The following IQCH variants were observed in gnomAD, a reference collection of about 807,000 sequenced individuals.
IQCH encodes the protein IQ motif containing H.
IQCH carries 98 observed loss-of-function variants against 117.0 expected under a neutral mutation model. That is an observed-to-expected ratio of 0.84 (90% CI 0.71 to 0.99). IQCH has a LOEUF of 0.99. Ranked by LOEUF, IQCH falls within the 50% of genes least tolerant of loss-of-function variation. The pLI is 0.00. For missense variants in IQCH, 1,102 were observed against 1,243.8 expected (o/e 0.89, Z 1.72); for synonymous variants, 412 against 448.2 (o/e 0.92, Z 1.02).
At chr15:67,419,733 A>G (rs1035687320) in intron 15 of IQCH, among the ~76,000 whole-genome samples, 1 of 152,082 alleles carries the variant, frequency 6.6e-6, no homozygotes, top group Non-Finnish European at 1.5e-5. Flanking sequence ...TATTGTTTAC[A>G]ATTCACAATT....
At chr15:67,379,214 C>T (rs1206282494) in intron 10 of IQCH, among the ~76,000 whole-genome samples, 1 of 152,156 alleles carries the variant, frequency 6.6e-6, no homozygotes, top group African/African-American at 2.4e-5. Context: ...TGAAGAAAAT[C>T]TAGCCCTACA....
In IQCH at chr15:67,370,149, A is replaced by T. The variant is rs1273053415; in HGVS notation, c.754-1962A>T. 6.6e-6 allele frequency among the ~76,000 whole-genome samples: 1 copy of T among 152,212 alleles called. No homozygotes were observed. Among genetic ancestry groups the T allele is most frequent in the Non-Finnish European group, 1.5e-5 (1 of 68,040 alleles). On this transcript the variant is annotated intron_variant, in intron 8 of 20. Coordinates refer to ENST00000335894, the MANE Select transcript of IQCH (RefSeq NM_001031715.3). This position sits in a 1 kb window ranked among gnomAD's most constrained non-coding sequence, Gnocchi z 5.6. ...ACCCCATGGAAAGGCACTGTCTGAG[A>T]GAGACGTGAGTTCTCTCCTTTCTCA...
chr15:67,338,233 A>G (rs913058334), intron 5 of IQCH, among the ~76,000 whole-genome samples: 3 of 143,586 alleles, frequency 2.1e-5, no homozygotes, highest in Non-Finnish European at 4.6e-5. Context: ...CTATCTATCT[A>G]TCTATCTATC....
intron 10 of IQCH, chr15:67,373,809 A>C (rs1970646318): frequency 6.2e-6 from 2 of 321,460 alleles, no homozygotes; most frequent in South Asian, 6.3e-5. Context: ...ATAAGCCAGG[A>C]TATTGCTTGT....
chr15:67,419,048 C>T (rs1190418263), intron 15 of IQCH, among the ~76,000 whole-genome samples: 2 of 152,172 alleles, frequency 1.3e-5, no homozygotes, highest in East Asian at 1.9e-4. Flanking sequence ...TTCCCAGCGA[C>T]TGTCTCATCT....
At chr15:67,428,524 AG>A (rs2081943968) in intron 16 of IQCH, among the ~76,000 whole-genome samples, 1 of 152,158 alleles carries the variant, frequency 6.6e-6, no homozygotes, top group Non-Finnish European at 1.5e-5. Flanking sequence ...TGCATTATCC[AG>A]GTGGCCCCAA....
chr15:67,399,191 C>T (rs746316788), intron 13 of IQCH, among the ~76,000 whole-genome samples: 4 of 152,192 alleles, frequency 2.6e-5, no homozygotes, highest in African/African-American at 4.8e-5. Context: ...GGAATTCCTA[C>T]TCTGCTACTC....
In IQCH at chr15:67,357,377, T is replaced by C; in HGVS notation, c.670T>C (p.Ser224Pro). 6.2e-7 allele frequency: 1 copy of C among 1,611,256 alleles called. No individual in the cohort carries two copies. Among genetic ancestry groups the C allele is most frequent in the Non-Finnish European group, 8.5e-7 (1 of 1,177,360 alleles). Residue 224 changes from serine to proline, a missense_variant, in exon 7 of 21, where the codon TCT becomes CCT. Transcript: ENST00000335894. ...TFTIPREPPP[S>P]PAEVKFFPKK... ...CACTATACCTCGGGAACCACCTCCA[T>C]CTCCAGCAGAAGTGAAGTTCTTTCC...
rs775030011 is a variant in IQCH, at chr15:67,254,950, G to A, written c.51+3G>A. The A allele has an allele frequency of 1.2e-5, 19 of 1,612,986 alleles. No individual in the cohort carries two copies. Among genetic ancestry groups the A allele is most frequent in the Admixed American group, 8.3e-5 (5 of 59,940 alleles). On this transcript the variant is annotated splice_donor_region_variant and intron_variant, in intron 1 of 20. Transcript: ENST00000335894. The stretch of plus-strand genomic sequence containing the variant: ...CTGTCGGATCCATCTTAATCCAGGT[G>A]GGAAACGGGCTTCCCCCGGCCCTGC...
Position 67,421,312 on chromosome 15 carries a change from C to T in IQCH, c.2240C>T (p.Pro747Leu), listed in dbSNP as rs2081734577. ...CCAGGGGGTGTGATCGAAGCATTCC[C>T]ACCTGCAGACAATGTCACCAACCTC... The part of the protein sequence containing the change: ...LSQGGVIEAF[P>L]PADNVTNLTV... The change falls in exon 16 of 21, where the codon CCA (proline) becomes CTA (leucine). Residue 747 changes from proline (P) to leucine (L), a missense_variant. This residue lies in a region of IQCH where 650 missense variants were observed against 794.3 expected (regional missense o/e 0.82). Transcript: ENST00000335894. The T allele has an allele frequency of 1.2e-6, 2 of 1,613,978 alleles. No homozygotes were observed. The highest frequency in any genetic ancestry group is 1.7e-6 in the Non-Finnish European group (2 of 1,179,984).
intron 3 of IQCH, among the ~76,000 whole-genome samples, chr15:67,273,765 T>C (rs1938195137): frequency 2.0e-5 from 3 of 152,230 alleles, no homozygotes; most frequent in Admixed American, 2.0e-4. Context: ...CAGTGAGTTT[T>C]TTTACCTTCC....
In IQCH at chr15:67,369,002, C is replaced by T. The variant is rs1970428875; in HGVS notation, c.754-3109C>T. ...CTGGGCTCAAGCAATCCTCTCACCT[C>T]AGCCTACTGGGTAGCTAGGACTACA... On this transcript the variant is annotated intron_variant, in intron 8 of 20. Coordinates refer to ENST00000335894, the MANE Select transcript of IQCH (RefSeq NM_001031715.3). The surrounding 1 kb of genome is among the most constrained non-coding windows in gnomAD (Gnocchi z 5.2). 6.6e-6 allele frequency among the ~76,000 whole-genome samples: 1 copy of T among 152,148 alleles called. No individual in the cohort carries two copies. The highest frequency in any genetic ancestry group is 2.1e-4 in the South Asian group (1 of 4,830).
At chr15:67,347,675 G>T (rs1457583543) in intron 6 of IQCH, among the ~76,000 whole-genome samples, 1 of 151,144 alleles carries the variant, frequency 6.6e-6, no homozygotes, top group Non-Finnish European at 1.5e-5. Context: ...ATAATTTTAT[G>T]AAGCTATCAT....
At chr15:67,470,334 T>A (rs1348112586) in intron 17 of IQCH, among the ~76,000 whole-genome samples, 1 of 152,120 alleles carries the variant, frequency 6.6e-6, no homozygotes, top group Non-Finnish European at 1.5e-5. Context: ...CCCGCGACCA[T>A]GCCTGGCTAA....
intron 5 of IQCH, among the ~76,000 whole-genome samples, chr15:67,341,279 A>G (rs888605382): frequency 6.6e-6 from 1 of 152,216 alleles, no homozygotes; most frequent in Middle Eastern, 3.2e-3. Context: ...TTACCAGTCC[A>G]GATATCAAAG....
In IQCH at chr15:67,443,879, C is replaced by T. The variant is rs535731192; in HGVS notation, c.2506-21248C>T. On this transcript the variant is annotated intron_variant, in intron 16 of 20. Transcript: ENST00000335894. This position sits in a 1 kb window ranked among gnomAD's most constrained non-coding sequence, Gnocchi z 5.0. The stretch of plus-strand genomic sequence containing the variant: ...TTACATGTAGTAACCCTAATCTTCA[C>T]ATCCTGAGAAGTATTATTATCCCTA... Among the ~76,000 whole-genome samples, 1 of 152,330 alleles carries T rather than the reference C, an allele frequency of 6.6e-6. No individual in the cohort carries two copies. The highest frequency in any genetic ancestry group is 2.1e-4 in the South Asian group (1 of 4,826).
intron 4 of IQCH, among the ~76,000 whole-genome samples, chr15:67,313,155 T>A (rs879850932): frequency 1.3e-5 from 2 of 152,120 alleles, no homozygotes; most frequent in Middle Eastern, 3.2e-3. Context: ...ATTAAAAGAT[T>A]ATATAATCTT....
At position 67,376,962 on chromosome 15, in the gene IQCH, C is replaced by T. The variant is rs972782193; in HGVS notation, c.1372+3529C>T. Among the ~76,000 whole-genome samples the T allele has an allele frequency of 6.6e-6, 1 of 151,656 alleles. No individual in the cohort carries two copies. The highest frequency in any genetic ancestry group is 1.5e-5 in the Non-Finnish European group (1 of 67,878). ...TGAAACCCCGTCTCTACTAAAAATA[C>T]AAAAATTAGCTGGGTGTGGTGGCAC... On this transcript the variant is annotated intron_variant, in intron 10 of 20. Transcript: ENST00000335894. The surrounding 1 kb of genome is among the most constrained non-coding windows in gnomAD (Gnocchi z 5.0).
intron 5 of IQCH, among the ~76,000 whole-genome samples, chr15:67,341,098 G>A (rs1315998110): frequency 6.6e-6 from 1 of 152,190 alleles, no homozygotes. Flanking sequence ...TGTAGTCCCA[G>A]CTACTCAGAA....
Sources: gnomAD v4.1 joint callset for allele counts (sites outside exome capture counted in the v4.1 genomes callset) on GRCh38, gnomAD v4.1.1 for gene constraint, gnomAD v4.1.1 regional missense constraint, Gnocchi (gnomAD v3.1) non-coding constraint, MANE v1.5 for transcripts, NCBI Gene and HGNC (gene_info 2026-07-23, HGNC 2026-07-21) for gene names.